BPNT2: variants seen among roughly 807,000 people sequenced by gnomAD.
BPNT2 encodes 3'(2'), 5'-bisphosphate nucleotidase 2, also known as Golgi-resident adenosine 3',5'-bisphosphate 3'-phosphatase.
A neutral mutation model predicts 29.3 loss-of-function variants in BPNT2; 11 were observed. That is an observed-to-expected ratio of 0.38 (90% CI 0.24 to 0.62). The LOEUF (loss-of-function observed/expected upper bound fraction) is 0.62. BPNT2 is among the 20% of genes least tolerant of loss of function. BPNT2 has a pLI of 0.62. For missense variants in BPNT2, 459 were observed against 473.4 expected (o/e 0.97, Z 0.28); for synonymous variants, 195 against 187.7 (o/e 1.04, Z -0.32).
Position 56,962,111 on chromosome 8 carries a change from A to T in BPNT2, c.*1682T>A, listed in dbSNP as rs1805847937. On this transcript the variant is annotated 3_prime_UTR_variant, in exon 5 of 5. Transcript: ENST00000262644. Reference sequence around the variant, plus strand: ...ACTCTTTTCAAAATTTTCAAGTCCTATTTAAATATCAAGTGTTCCACCTAC... The same window carrying T: ...ACTCTTTTCAAAATTTTCAAGTCCTTTTTAAATATCAAGTGTTCCACCTAC... 1 of 152,208 alleles carries T rather than the reference A, an allele frequency of 6.6e-6. No individual in the cohort carries two copies. The highest frequency in any genetic ancestry group is 2.4e-5 in the African/African-American group (1 of 41,442). The allele number at this position is 152,208 out of a possible 1,614,324, so 9.4% of individuals were successfully genotyped here.
intron 1 of BPNT2, among the ~76,000 whole-genome samples, chr8:56,992,717 C>T (rs1006684513): frequency 1.4e-5 from 2 of 142,640 alleles, no homozygotes; most frequent in African/African-American, 5.3e-5. Context: ...CGCGAGCGCA[C>T]ACACGCACAC....
intron 3 of BPNT2, 130 bp downstream of exon 3, chr8:56,977,920 G>T: frequency 1.4e-6 from 1 of 706,890 alleles, no homozygotes; most frequent in Non-Finnish European, 2.6e-6. Flanking sequence ...CACATAATTT[G>T]TGTTTTTTTC....
intron 3 of BPNT2, among the ~76,000 whole-genome samples, chr8:56,967,792 A>G (rs1269406876): frequency 1.3e-5 from 2 of 152,156 alleles, no homozygotes; most frequent in Non-Finnish European, 2.9e-5. Flanking sequence ...TAGGGGCTTT[A>G]TTGAAACAAG....
chr8:56,990,726 A>T (rs1806403750), intron 1 of BPNT2, among the ~76,000 whole-genome samples: 1 of 152,170 alleles, frequency 6.6e-6, no homozygotes, highest in South Asian at 2.1e-4. Flanking sequence ...TGTGACAATC[A>T]AAAATGTCTT....
chr8:56,987,452 G>A (rs1025396438), intron 1 of BPNT2, among the ~76,000 whole-genome samples: 1 of 152,148 alleles, frequency 6.6e-6, no homozygotes, highest in African/African-American at 2.4e-5. Flanking sequence ...AAGAAAGACT[G>A]CCCCTTCTTC....
At chr8:56,968,104 T>C (rs1370488221) in intron 3 of BPNT2, among the ~76,000 whole-genome samples, 2 of 151,950 alleles carry the variant, frequency 1.3e-5, no homozygotes, top group Admixed American at 6.6e-5. Context: ...TCTAACATGA[T>C]TAAAAATAAT....
chr8:56,966,120 A>G, intron 4 of BPNT2, 71 bp downstream of exon 4: 4 of 1,539,594 alleles, frequency 2.6e-6, no homozygotes, highest in Non-Finnish European at 2.7e-6. Flanking sequence ...GGACAAGCAA[A>G]TTAGTCTCCT....
At chr8:56,973,247 A>G (rs956789571) in intron 3 of BPNT2, among the ~76,000 whole-genome samples, 1 of 152,030 alleles carries the variant, frequency 6.6e-6, no homozygotes, top group Non-Finnish European at 1.5e-5. Context: ...GCATCAAGTG[A>G]TTTACTTGCC....
intron 3 of BPNT2, among the ~76,000 whole-genome samples, chr8:56,969,552 A>G (rs973002795): frequency 1.3e-5 from 2 of 152,050 alleles, no homozygotes; most frequent in Non-Finnish European, 2.9e-5. Flanking sequence ...TTTAACTCTG[A>G]CAAGCTGAAC....
chr8:56,987,448 G>A (rs1806344269), intron 1 of BPNT2, among the ~76,000 whole-genome samples: 1 of 152,162 alleles, frequency 6.6e-6, no homozygotes, highest in Non-Finnish European at 1.5e-5. Context: ...GGAGAAGAAA[G>A]ACTGCCCCTT....
intron 3 of BPNT2, among the ~76,000 whole-genome samples, chr8:56,971,787 C>T (rs1806038143): frequency 6.9e-6 from 1 of 144,170 alleles, no homozygotes; most frequent in Admixed American, 6.9e-5. Context: ...GTACCACCCC[C>T]CCCCCCACAA....
intron 4 of BPNT2, 47 bp downstream of exon 4, chr8:56,966,143 AC>A: frequency 6.3e-7 from 1 of 1,593,008 alleles, no homozygotes; most frequent in Non-Finnish European, 8.6e-7. Context: ...CATAGCCTTG[AC>A]CATGCCAGGA....
intron 3 of BPNT2, among the ~76,000 whole-genome samples, chr8:56,971,269 T>TAAAAAAAAAAAAA (rs10551418): frequency 8.2e-6 from 1 of 122,612 alleles, no homozygotes; most frequent in Non-Finnish European, 1.8e-5. Flanking sequence ...AAGATAAGCT[T>TAAAAAAAAAAAAA]AAAAAAAAAA....
Position 56,985,316 on chromosome 8 carries a change from T to C in BPNT2, c.388-5119A>G, listed in dbSNP as rs74639724. ...TATTCTCAGCCACTGTAGTTTTTCA[T>C]TTCTTCCCCATAATCCTCTTCCACT... On this transcript the variant is annotated intron_variant, in intron 1 of 4. Coordinates refer to ENST00000262644, the MANE Select transcript of BPNT2 (RefSeq NM_017813.5). Among the ~76,000 whole-genome samples, 618 of 152,212 alleles carry C rather than the reference T, an allele frequency of 4.1e-3. 1 individual carries two copies. Among genetic ancestry groups the C allele is most frequent in the African/African-American group, 0.014 (588 of 41,526 alleles).
Position 56,961,397 on chromosome 8 carries a change from A to C in BPNT2, c.*2396T>G, listed in dbSNP as rs1805830698. 6.6e-6 allele frequency: 1 copy of C among 152,134 alleles called. No individual in the cohort carries two copies. Among genetic ancestry groups the C allele is most frequent in the Non-Finnish European group, 1.5e-5 (1 of 68,038 alleles). The allele number at this position is 152,134 out of a possible 1,614,324, so 9.4% of individuals were successfully genotyped here. A position where few individuals can be genotyped will look rare whatever the true frequency, so the allele number is the denominator to read the frequency against. On this transcript the variant is annotated 3_prime_UTR_variant, in exon 5 of 5. Transcript: ENST00000262644. ...CAACGTATATTGGCTTTTAAAAACA[A>C]ACAATTTTAAAAATGAACTTTTTAT...
chr8:56,961,131 G>T lies in BPNT2; in HGVS notation c.*2662C>A, dbSNP rs1805825673. ...ACTGATGTCACTGCCTCTACTAAAT[G>T]TGGTGCATAAAAGTCATATTTTAAG... On this transcript the variant is annotated 3_prime_UTR_variant, in exon 5 of 5. Transcript: ENST00000262644. 1 of 152,188 alleles carries T rather than the reference G, an allele frequency of 6.6e-6. No homozygotes were observed. Among genetic ancestry groups the T allele is most frequent in the African/African-American group, 2.4e-5 (1 of 41,446 alleles). 9.4% of individuals were successfully genotyped at this position (152,188 alleles called of 1,614,324 possible).
At position 56,963,520 on chromosome 8, in the gene BPNT2, A is replaced by G. The variant is rs922573843; in HGVS notation, c.*273T>C. The G allele has an allele frequency of 1.9e-5, 8 of 411,636 alleles. No individual in the cohort carries two copies. The highest frequency in any genetic ancestry group is 3.1e-5 in the Non-Finnish European group (7 of 228,136). The allele number at this position is 411,636 out of a possible 1,614,324, so 25.5% of individuals were successfully genotyped here. A position where few individuals can be genotyped will look rare whatever the true frequency, so the allele number is the denominator to read the frequency against. ...CATAACAATGTAGACTCAGCTACAGATTTTAATTCACAAATATATATATGC... is the reference window on the plus strand; with the variant it reads ...CATAACAATGTAGACTCAGCTACAGGTTTTAATTCACAAATATATATATGC... On this transcript the variant is annotated 3_prime_UTR_variant, in exon 5 of 5. Coordinates refer to ENST00000262644, the MANE Select transcript of BPNT2 (RefSeq NM_017813.5).
intron 4 of BPNT2, among the ~76,000 whole-genome samples, chr8:56,964,940 A>C (rs1805914816): frequency 6.6e-6 from 1 of 152,200 alleles, no homozygotes; most frequent in East Asian, 1.9e-4. Context: ...TAACCAACCT[A>C]ACAGAGAGCC....
At chr8:56,970,862 C>T (rs967930) in intron 3 of BPNT2, among the ~76,000 whole-genome samples, 31,859 of 151,742 alleles carry the variant, frequency 0.21, 3,736 homozygotes, top group East Asian at 0.45. Context: ...TATAATTTTA[C>T]GTTTGTTTGA....
Sources: gnomAD v4.1 joint callset for allele counts (sites outside exome capture counted in the v4.1 genomes callset) on GRCh38, gnomAD v4.1.1 for gene constraint, MANE v1.5 for transcripts, NCBI Gene and HGNC (gene_info 2026-07-23, HGNC 2026-07-21) for gene names.